The following FSD1L variants were observed in gnomAD, a reference collection of about 807,000 sequenced individuals.
FSD1L encodes FSD1-like protein.
Under a neutral mutation model 71.6 loss-of-function variants are expected in FSD1L, and 45 were observed. The observed-to-expected ratio is 0.63, with a 90% confidence interval of 0.49 to 0.81. The LOEUF is 0.81. Among genes scored for constraint, FSD1L ranks in the 30% least tolerant of loss-of-function variants. The pLI is 0.00. For missense variants in FSD1L, 561 were observed against 618.1 expected (o/e 0.91, Z 0.98); for synonymous variants, 197 against 207.2 (o/e 0.95, Z 0.42).
intron 9 of FSD1L, among the ~76,000 whole-genome samples, chr9:105,510,951 C>G (rs757998959): frequency 4.1e-4 from 61 of 150,124 alleles, no homozygotes; most frequent in Non-Finnish European, 7.1e-4. Flanking sequence ...TATTATAGGA[C>G]TTATACAAGA....
At chr9:105,450,555 C>T (rs1313932682) in intron 1 of FSD1L, among the ~76,000 whole-genome samples, 1 of 140,284 alleles carries the variant, frequency 7.1e-6, no homozygotes, top group African/African-American at 2.8e-5. Flanking sequence ...TTTTTTGAGA[C>T]GGAGTTTTGC....
In FSD1L at chr9:105,525,481, A is replaced by T. The variant is rs201388999; in HGVS notation, c.1026-9012A>T. The stretch of plus-strand genomic sequence containing the variant: ...TGAGAAGCACTTTAATGACTTAAAC[A>T]TGAAAGCTGTGGAACAAGATGAACC... On this transcript the variant is annotated intron_variant, in intron 10 of 13. Transcript: ENST00000481272. 2,732 of 1,609,814 alleles carry T rather than the reference A, an allele frequency of 1.7e-3. 5 individuals carry two copies. Among genetic ancestry groups the T allele is most frequent in the Middle Eastern group, 9.1e-3 (55 of 6,034 alleles).
intron 4 of FSD1L, among the ~76,000 whole-genome samples, chr9:105,470,391 T>C (rs1214399173): frequency 6.6e-6 from 1 of 152,210 alleles, no homozygotes; most frequent in Admixed American, 6.5e-5. Flanking sequence ...TGAACATGAA[T>C]GTCTTTCCCT....
intron 1 of FSD1L, among the ~76,000 whole-genome samples, chr9:105,459,958 T>C (rs567798384): frequency 6.6e-6 from 1 of 152,332 alleles, no homozygotes; most frequent in Admixed American, 6.5e-5. Flanking sequence ...ACCCTTTATC[T>C]AGGTGTGTAT....
At chr9:105,492,200 A>T (rs374606153) in intron 7 of FSD1L, among the ~76,000 whole-genome samples, 1 of 151,986 alleles carries the variant, frequency 6.6e-6, no homozygotes, top group African/African-American at 2.4e-5. Context: ...TATTCAGAGA[A>T]TCAACTTCTT....
intron 1 of FSD1L, among the ~76,000 whole-genome samples, chr9:105,460,805 C>CT (rs2131599334): frequency 6.6e-6 from 1 of 152,272 alleles, no homozygotes; most frequent in African/African-American, 2.4e-5. Flanking sequence ...GAAGTCTTCT[C>CT]TAACCCAAAA....
At chr9:105,517,215 G>A (rs1157075351) in intron 10 of FSD1L, among the ~76,000 whole-genome samples, 2 of 152,220 alleles carry the variant, frequency 1.3e-5, no homozygotes, top group African/African-American at 2.4e-5. Context: ...GTACCTGAAA[G>A]TGATGGGGAG....
intron 6 of FSD1L, among the ~76,000 whole-genome samples, chr9:105,479,934 T>C (rs994462611): frequency 6.6e-6 from 1 of 152,108 alleles, no homozygotes; most frequent in African/African-American, 2.4e-5. Flanking sequence ...TTATTAAAGG[T>C]TTTGGTTTAA....
At chr9:105,446,183 C>CA (rs779842787), upstream of FSD1L, among the ~76,000 whole-genome samples, 1 of 152,044 alleles carries the variant, frequency 6.6e-6, no homozygotes, top group Non-Finnish European at 1.5e-5. Context: ...TGCTGTTTCT[C>CA]AAACACAGAG....
At chr9:105,488,512 A>G (rs1329248091) in intron 7 of FSD1L, among the ~76,000 whole-genome samples, 1 of 152,188 alleles carries the variant, frequency 6.6e-6, no homozygotes, top group Non-Finnish European at 1.5e-5. Context: ...GTGTAGACAT[A>G]AGTTTTCAAC....
In FSD1L at chr9:105,494,852, C is replaced by A. The variant is rs529617829; in HGVS notation, c.586+10350C>A. Among the ~76,000 whole-genome samples, 308 of 152,260 alleles carry A rather than the reference C, an allele frequency of 2.0e-3. 1 individual carries two copies. Among genetic ancestry groups the A allele is most frequent in the African/African-American group, 7.0e-3 (290 of 41,560 alleles). ...CCGCAAATGCTGCTGTCTTATCGTT[C>A]CCCTGGAAGTTTTGTCTCAGAGGAG... is the stretch of plus-strand genomic sequence containing the variant. On this transcript the variant is annotated intron_variant, in intron 7 of 13. Transcript: ENST00000481272.
chr9:105,453,510 T>C lies in FSD1L; in HGVS notation c.15+5275T>C, dbSNP rs182258400. ...TTTTTATTTTGTGTGTGTGTGTGTGTGCGTGTGTGTGCATGTCTGTCTGCA... is the reference window on the plus strand; with the variant it reads ...TTTTTATTTTGTGTGTGTGTGTGTGCGCGTGTGTGTGCATGTCTGTCTGCA... On this transcript the variant is annotated intron_variant, in intron 1 of 13. Transcript: ENST00000481272. Among the ~76,000 whole-genome samples the C allele has an allele frequency of 1.2e-4, 19 of 152,158 alleles. 1 individual carries two copies. The East Asian group carries it at 3.1e-3, about 25-fold the overall frequency.
At chr9:105,544,423 C>G (rs1213898837) in intron 13 of FSD1L, among the ~76,000 whole-genome samples, 1 of 152,162 alleles carries the variant, frequency 6.6e-6, no homozygotes, top group Non-Finnish European at 1.5e-5. Context: ...AGAAGCTCTT[C>G]AGTTTAATTA....
At chr9:105,525,974 T>C in intron 10 of FSD1L, 1 of 1,572,430 alleles carries the variant, frequency 6.4e-7, no homozygotes, top group Non-Finnish European at 8.8e-7. Flanking sequence ...GTGCACATTG[T>C]TTGGTCAGAG....
At chr9:105,508,241 G>A (rs868215099) in intron 8 of FSD1L, among the ~76,000 whole-genome samples, 6 of 143,592 alleles carry the variant, frequency 4.2e-5, no homozygotes, top group Middle Eastern at 7.4e-3. Flanking sequence ...GCAGTGGCGC[G>A]ATCTCAGCTA....
chr9:105,463,710 CTTTA>C (rs1370062927), intron 2 of FSD1L, among the ~76,000 whole-genome samples: 2 of 152,098 alleles, frequency 1.3e-5, no homozygotes, highest in East Asian at 1.9e-4. Flanking sequence ...ACTAAAATTG[CTTTA>C]TTTATTATAG....
intron 4 of FSD1L, among the ~76,000 whole-genome samples, chr9:105,470,508 C>T (rs889485937): frequency 3.2e-4 from 49 of 151,962 alleles, no homozygotes; most frequent in African/African-American, 1.1e-3. Flanking sequence ...CTTTTTGATA[C>T]TATTATAAGT....
At chr9:105,541,040 C>T (rs575903042) in intron 13 of FSD1L, among the ~76,000 whole-genome samples, 2 of 152,210 alleles carry the variant, frequency 1.3e-5, no homozygotes, top group South Asian at 4.2e-4. Flanking sequence ...ATTCTTCTGT[C>T]ATCACCCCTA....
chr9:105,444,192 T>G (rs1829593367), upstream of FSD1L, among the ~76,000 whole-genome samples: 1 of 152,182 alleles, frequency 6.6e-6, no homozygotes, highest in South Asian at 2.1e-4. Flanking sequence ...AAGGACATTA[T>G]GAGTAAGAGA....
Sources: gnomAD v4.1 joint callset for allele counts (sites outside exome capture counted in the v4.1 genomes callset) on GRCh38, gnomAD v4.1.1 for gene constraint, MANE v1.5 for transcripts, NCBI Gene and HGNC (gene_info 2026-07-23, HGNC 2026-07-21) for gene names.